PLA2G6: variants seen among roughly 807,000 people sequenced by gnomAD.
PLA2G6 encodes phospholipase A2 group VI.
Under a neutral mutation model 83.8 loss-of-function variants are expected in PLA2G6, and 62 were observed. The observed-to-expected ratio is 0.74, with a 90% confidence interval of 0.60 to 0.91. The LOEUF is 0.91. Ranked by LOEUF, PLA2G6 falls within the 40% of genes least tolerant of loss-of-function variation. The pLI, the probability that PLA2G6 is intolerant of heterozygous loss-of-function variation, is 0.00. For synonymous variants in PLA2G6, 417 were observed against 449.8 expected, an observed-to-expected ratio of 0.93 and a Z score of 0.92; for missense variants, 944 against 1,102.0, an observed-to-expected ratio of 0.86 and a Z score of 2.03.
intron 15 of PLA2G6, 58 bp from the exon 16 acceptor site, chr22:38,112,635 G>T: frequency 7.3e-7 from 1 of 1,370,064 alleles, no homozygotes. Flanking sequence ...CCCGCACCCC[G>T]CCCGGCCCTG....
intron 2 of PLA2G6, among the ~76,000 whole-genome samples, chr22:38,167,290 C>G (rs132984): frequency 0.12 from 17,519 of 151,630 alleles, 1,239 homozygotes; most frequent in African/African-American, 0.18. Flanking sequence ...GAATAGCTTA[C>G]GTGTAGCTAA....
At chr22:38,156,183 T>C (rs1373387090) in intron 2 of PLA2G6, among the ~76,000 whole-genome samples, 1 of 152,184 alleles carries the variant, frequency 6.6e-6, no homozygotes, top group African/African-American at 2.4e-5. Flanking sequence ...AAAGGAAGTA[T>C]TCTTAGAGCT....
At chr22:38,133,174 G>T (rs2088332589) in intron 6 of PLA2G6, 161 bp from the exon 7 acceptor site, 1 of 674,356 alleles carries the variant, frequency 1.5e-6, no homozygotes, top group African/African-American at 1.8e-5. Flanking sequence ...GTTCTAGGGG[G>T]GCCTAGACTG....
Position 38,132,375 on chromosome 22 carries a change from A to T in PLA2G6, c.1077+456T>A. ...ACGCGGACCAGTGAAGGGAAGCAGG[A>T]TGCTCACTCGGGCCAGGTACTGCGT... On this transcript the variant is annotated intron_variant, in intron 7 of 16. Coordinates refer to ENST00000332509, the MANE Select transcript of PLA2G6 (RefSeq NM_003560.4). This position sits in a 1 kb window ranked among gnomAD's most constrained non-coding sequence, Gnocchi z 5.0. 1 of 317,136 alleles carries T rather than the reference A, an allele frequency of 3.2e-6. No individual in the cohort carries two copies. Among genetic ancestry groups the T allele is most frequent in the South Asian group, 2.6e-5 (1 of 38,944 alleles). 19.6% of individuals were successfully genotyped at this position (317,136 alleles called of 1,614,324 possible).
intron 1 of PLA2G6, among the ~76,000 whole-genome samples, chr22:38,179,291 C>T (rs965865335): frequency 1.3e-5 from 2 of 152,178 alleles, no homozygotes; most frequent in African/African-American, 4.8e-5. Flanking sequence ...AAAGAAACAA[C>T]ATTTTAACAA....
chr22:38,169,470 G>C lies in PLA2G6; in HGVS notation c.-44C>G, dbSNP rs1210810981. 1.9e-6 allele frequency: 3 copies of C among 1,555,886 alleles called. No individual in the cohort carries two copies. Among genetic ancestry groups the C allele is most frequent in the Non-Finnish European group, 2.7e-6 (3 of 1,131,726 alleles). ...GGAGGCCCCACCGTCTTCCCCCTCT[G>C]TCTGGAAGAAAACGAGGTCTCTGGT... On this transcript the variant is annotated splice_region_variant and 5_prime_UTR_variant, in exon 2 of 17. Coordinates refer to ENST00000332509, the MANE Select transcript of PLA2G6 (RefSeq NM_003560.4).
In PLA2G6 at chr22:38,153,860, G is replaced by A. The variant is rs140321968; in HGVS notation, c.210-8207C>T. On this transcript the variant is annotated intron_variant, in intron 2 of 16. Transcript: ENST00000332509. ...AGTTCTGGACCTGCCCTGGGTCAGAGGGGAGCCCACTACCCTAAAGGGAGA... is the reference window on the plus strand; with the variant it reads ...AGTTCTGGACCTGCCCTGGGTCAGAAGGGAGCCCACTACCCTAAAGGGAGA... 4.6e-5 allele frequency among the ~76,000 whole-genome samples: 7 copies of A among 152,280 alleles called. No individual in the cohort carries two copies. In the East Asian group the frequency reaches 1.4e-3, roughly 29 times the overall value.
chr22:38,115,768 G>A, intron 13 of PLA2G6, 87 bp from the exon 14 acceptor site: 1 of 1,510,544 alleles, frequency 6.6e-7, no homozygotes, highest in Non-Finnish European at 8.8e-7. Flanking sequence ...TGCGTGTTGG[G>A]GGCTGGGGGT....
chr22:38,162,963 C>T (rs1014114779), intron 2 of PLA2G6, among the ~76,000 whole-genome samples: 2 of 152,128 alleles, frequency 1.3e-5, no homozygotes, highest in Non-Finnish European at 2.9e-5. Context: ...CTTCTAGAAC[C>T]CCAGGCTGAA....
intron 6 of PLA2G6, chr22:38,133,264 T>C: frequency 3.5e-6 from 2 of 573,882 alleles, no homozygotes; most frequent in Non-Finnish European, 6.2e-6. Context: ...TTCTGGTCCT[T>C]TCCTAGTGCC....
chr22:38,112,424 A>G (rs2086924000), intron 16 of PLA2G6, 80 bp downstream of exon 16: 1 of 1,508,162 alleles, frequency 6.6e-7, no homozygotes, highest in Non-Finnish European at 9.0e-7. Flanking sequence ...GAAAGTCCAC[A>G]CTAGGGCTGG....
chr22:38,151,247 CTTCT>C (rs1414043876), intron 2 of PLA2G6, among the ~76,000 whole-genome samples: 10 of 151,650 alleles, frequency 6.6e-5, no homozygotes, highest in Non-Finnish European at 1.5e-4. Flanking sequence ...TTTTTCTTTC[CTTCT>C]TTTTTTTTTT....
chr22:38,129,977 G>T (rs1276456279), intron 7 of PLA2G6, among the ~76,000 whole-genome samples: 1 of 152,224 alleles, frequency 6.6e-6, no homozygotes, highest in Admixed American at 6.5e-5. Flanking sequence ...TGCCCACCCA[G>T]TCCAGGGTGT....
chr22:38,134,798 CCCAG>C, intron 6 of PLA2G6, 186 bp downstream of exon 6: 1 of 593,046 alleles, frequency 1.7e-6, no homozygotes, highest in South Asian at 2.0e-5. Context: ...GATCCCCCCG[CCCAG>C]CCAGAGAGCA....
At chr22:38,154,222 C>T (rs565677800) in intron 2 of PLA2G6, among the ~76,000 whole-genome samples, 4 of 152,224 alleles carry the variant, frequency 2.6e-5, no homozygotes, top group Admixed American at 1.3e-4. Flanking sequence ...TCACCACCTG[C>T]TGACTGTAGA....
chr22:38,155,958 T>G lies in PLA2G6; in HGVS notation c.210-10305A>C, dbSNP rs930273611. Reference sequence around the variant, plus strand: ...CACACTTTACCTGTAAAGACACACATAGACTGAAACTAAAGGGATGGAGAA... The same window carrying G: ...CACACTTTACCTGTAAAGACACACAGAGACTGAAACTAAAGGGATGGAGAA... On this transcript the variant is annotated intron_variant, in intron 2 of 16. Transcript: ENST00000332509. Among the ~76,000 whole-genome samples, 3 of 152,004 alleles carry G rather than the reference T, an allele frequency of 2.0e-5. No individual in the cohort carries two copies. In the East Asian group the frequency reaches 5.8e-4, roughly 29 times the overall value.
chr22:38,173,223 G>A (rs2090504777), intron 1 of PLA2G6, among the ~76,000 whole-genome samples: 1 of 152,164 alleles, frequency 6.6e-6, no homozygotes, highest in Admixed American at 6.5e-5. Context: ...CCCGCATCAT[G>A]CCTCACTTCA....
rs2089201788 is a variant in PLA2G6 at position 38,145,622 on chromosome 22, G to A, written c.241C>T (p.Leu81=). 6.2e-7 allele frequency: 1 copy of A among 1,613,434 alleles called. No homozygotes were observed. Among genetic ancestry groups the A allele is most frequent in the Non-Finnish European group, 8.5e-7 (1 of 1,179,744 alleles). The part of the protein sequence containing the change: ...LFQLELEADA[L]VNFHQYSSQL... ...GAAGAATACTGATGGAAATTCACTA[G>A]GGCGTCAGCCTCCAACTCCAGCTGG... The change falls in exon 3 of 17, where the codon CTA becomes TTA. Residue 81 remains leucine (L), a synonymous_variant. Transcript: ENST00000332509.
chr22:38,134,720 A>G, intron 6 of PLA2G6: 1 of 498,318 alleles, frequency 2.0e-6, no homozygotes, highest in African/African-American at 1.9e-5. Context: ...TTTGTCACAC[A>G]CTGCCTTGCT....
Sources: allele counts gnomAD v4.1 joint callset (sites outside exome capture counted in the v4.1 genomes callset), GRCh38; gene constraint gnomAD v4.1.1; non-coding constraint Gnocchi (gnomAD v3.1); transcripts MANE v1.5; gene names NCBI Gene and HGNC (gene_info 2026-07-23, HGNC 2026-07-21).